Variants in CCDC13 observed in about 807,000 individuals in gnomAD.
CCDC13 encodes the protein coiled-coil domain containing 13.
A neutral mutation model predicts 87.3 loss-of-function variants in CCDC13; 70 were observed. The observed-to-expected ratio is 0.80, with a 90% CI of 0.66 to 0.98. The LOEUF (loss-of-function observed/expected upper bound fraction) is 0.98, where lower values mean the gene tolerates loss of function less well. CCDC13 is among the 50% of genes least tolerant of loss of function. The probability of loss-of-function intolerance (pLI) is 0.00; values close to 1 mark genes in which losing one functional copy is unlikely to be tolerated. For missense variants in CCDC13, 842 were observed against 892.0 expected, an observed-to-expected ratio of 0.94 and a Z score of 0.71; for synonymous variants, 317 against 360.3, an observed-to-expected ratio of 0.88 and a Z score of 1.36.
intron 13 of CCDC13, among the ~76,000 whole-genome samples, chr3:42,724,451 C>T (rs1698641404): frequency 6.6e-6 from 1 of 152,216 alleles, no homozygotes; most frequent in African/African-American, 2.4e-5. Context: ...GCTCCTCCTG[C>T]CTGGGATCTA....
At chr3:42,721,291 T>A (rs1413042193) in intron 13 of CCDC13, among the ~76,000 whole-genome samples, 3 of 152,210 alleles carry the variant, frequency 2.0e-5, no homozygotes. Flanking sequence ...TTAATCCTCT[T>A]TAGAAGGTGG....
intron 3 of CCDC13, 49 bp from the exon 4 acceptor site, chr3:42,752,766 T>C: frequency 6.2e-7 from 1 of 1,603,342 alleles, no homozygotes; most frequent in Non-Finnish European, 8.5e-7. Context: ...GGCATACACA[T>C]CAAACTCATG....
chr3:42,708,816 T>G lies in CCDC13; in HGVS notation c.*164A>C. 2 of 682,382 alleles carry G rather than the reference T, an allele frequency of 2.9e-6. No homozygotes were observed. Among genetic ancestry groups the G allele is most frequent in the Non-Finnish European group, 4.7e-6 (2 of 426,872 alleles). 42.3% of individuals were successfully genotyped at this position (682,382 alleles called of 1,614,324 possible). A position where few individuals can be genotyped will look rare whatever the true frequency, so the allele number is the denominator to read the frequency against. ...GGGCTTCTCTTCTGCCTTCCTGGCCTGAGACATTGGTTTTGGTCATCCTTA... is the reference window on the plus strand; with the variant it reads ...GGGCTTCTCTTCTGCCTTCCTGGCCGGAGACATTGGTTTTGGTCATCCTTA... On this transcript the variant is annotated 3_prime_UTR_variant, in exon 16 of 16. Transcript: ENST00000310232.
At chr3:42,742,199 C>T (rs1188532264) in intron 8 of CCDC13, among the ~76,000 whole-genome samples, 1 of 152,182 alleles carries the variant, frequency 6.6e-6, no homozygotes, top group Admixed American at 6.5e-5. Context: ...GTGATGGGCT[C>T]AAGGATGGTC....
chr3:42,767,375 C>T (rs1286351859), intron 1 of CCDC13, among the ~76,000 whole-genome samples: 1 of 152,096 alleles, frequency 6.6e-6, no homozygotes, highest in Non-Finnish European at 1.5e-5. Flanking sequence ...TGTGTAAGAT[C>T]TATATTAGGA....
At chr3:42,757,624 G>A (rs954419151) in intron 2 of CCDC13, among the ~76,000 whole-genome samples, 8 of 152,124 alleles carry the variant, frequency 5.3e-5, no homozygotes, top group Non-Finnish European at 1.5e-5. Context: ...AAGCTGAGGT[G>A]GAAGGATTGC....
chr3:42,721,267 ATTG>A (rs1455367687), intron 13 of CCDC13, among the ~76,000 whole-genome samples: 1 of 152,216 alleles, frequency 6.6e-6, no homozygotes, highest in Admixed American at 6.5e-5. Flanking sequence ...ATCATCTACA[ATTG>A]TTGTCCTGTT....
rs530344442 is a variant in CCDC13, at chr3:42,722,857, C to T, written c.1718+7610G>A. Among the ~76,000 whole-genome samples the T allele has an allele frequency of 2.5e-4, 34 of 138,390 alleles. No homozygotes were observed. The South Asian group carries it at 7.1e-3, about 29-fold the overall frequency. The allele number at this position is 138,390 out of a possible 152,430, so 90.8% of individuals were successfully genotyped here. A position where few individuals can be genotyped will look rare whatever the true frequency, so the allele number is the denominator to read the frequency against. On this transcript the variant is annotated intron_variant, in intron 13 of 15. Coordinates refer to ENST00000310232, the MANE Select transcript of CCDC13 (RefSeq NM_144719.4). ...AGTCACCCAGGCTGGAGTGCAGTGGCACTATCTCGGCTCATTGCAAGCTCC... is the reference window on the plus strand; with the variant it reads ...AGTCACCCAGGCTGGAGTGCAGTGGTACTATCTCGGCTCATTGCAAGCTCC...
chr3:42,771,643 TACTC>T (rs773190745), intron 1 of CCDC13, among the ~76,000 whole-genome samples: 5 of 152,264 alleles, frequency 3.3e-5, no homozygotes, highest in Non-Finnish European at 5.9e-5. Context: ...TGTTCCCAGT[TACTC>T]AGGAGGCTGA....
At chr3:42,732,264 C>A (rs1303961978) in intron 12 of CCDC13, among the ~76,000 whole-genome samples, 1 of 152,150 alleles carries the variant, frequency 6.6e-6, no homozygotes, top group African/African-American at 2.4e-5. Context: ...CAGAGAAGGA[C>A]CAGTTTGCCT....
chr3:42,757,210 G>T lies in CCDC13; in HGVS notation c.226C>A (p.Leu76Ile). 6.2e-7 allele frequency: 1 copy of T among 1,613,720 alleles called. No individual in the cohort carries two copies. Among genetic ancestry groups the T allele is most frequent in the Non-Finnish European group, 8.5e-7 (1 of 1,179,796 alleles). Reference sequence around the variant, plus strand: ...CGAAGGTGTTCAATCTCATCTTCAAGCACCCTACAAGGCAAAGGCAGAATT... The same window carrying T: ...CGAAGGTGTTCAATCTCATCTTCAATCACCCTACAAGGCAAAGGCAGAATT... ...NSKNSFEKRV[L>I]EDEIEHLRNE... The change falls in exon 3 of 16, where the codon CTT (leucine) becomes ATT (isoleucine). Residue 76 changes from leucine (L) to isoleucine (I), a missense_variant. Physicochemically the swap from Leu to Ile is conservative, Grantham distance 5. Transcript: ENST00000310232.
intron 14 of CCDC13, among the ~76,000 whole-genome samples, chr3:42,711,421 C>T (rs1051281348): frequency 2.4e-4 from 37 of 151,382 alleles, no homozygotes; most frequent in African/African-American, 8.5e-4. Flanking sequence ...CTCAGGCAAA[C>T]TATCAGCCTC....
intron 14 of CCDC13, among the ~76,000 whole-genome samples, chr3:42,711,249 A>AAT (rs1196487708): frequency 6.1e-5 from 9 of 146,850 alleles, no homozygotes; most frequent in Non-Finnish European, 1.2e-4. Flanking sequence ...CTGTCTCCAA[A>AAT]AAAAAAAAAA....
At chr3:42,731,448 A>G (rs1387708460) in intron 12 of CCDC13, among the ~76,000 whole-genome samples, 1 of 151,672 alleles carries the variant, frequency 6.6e-6, no homozygotes, top group East Asian at 1.9e-4. Context: ...TGACTCCTAA[A>G]TATGCTCTAA....
chr3:42,708,290 T>C lies in CCDC13; in HGVS notation c.*690A>G, dbSNP rs1173025621. ...CAGCTTCTTTCTGTGAACCTCAGTT[T>C]CTTCATCTGTCAAATAAGACAACAA... is the stretch of plus-strand genomic sequence containing the variant. On this transcript the variant is annotated 3_prime_UTR_variant, in exon 16 of 16. Transcript: ENST00000310232. 1 of 152,180 alleles carries C rather than the reference T, an allele frequency of 6.6e-6. No individual in the cohort carries two copies. Among genetic ancestry groups the C allele is most frequent in the African/African-American group, 2.4e-5 (1 of 41,420 alleles). The allele number at this position is 152,180 out of a possible 1,614,324, so 9.4% of individuals were successfully genotyped here. A position where few individuals can be genotyped will look rare whatever the true frequency, so the allele number is the denominator to read the frequency against.
At chr3:42,736,848 GA>G (rs1221245517) in intron 9 of CCDC13, among the ~76,000 whole-genome samples, 1 of 152,146 alleles carries the variant, frequency 6.6e-6, no homozygotes. Context: ...GTCCCACAGA[GA>G]AAAGTCCAAG....
intron 3 of CCDC13, among the ~76,000 whole-genome samples, chr3:42,755,059 A>G (rs536079919): frequency 6.6e-6 from 1 of 152,362 alleles, no homozygotes; most frequent in East Asian, 1.9e-4. Context: ...TATAATACAT[A>G]TAAAAACTGC....
At chr3:42,772,318 C>T (rs1006323394) in intron 1 of CCDC13, among the ~76,000 whole-genome samples, 1 of 142,546 alleles carries the variant, frequency 7.0e-6, no homozygotes, top group Non-Finnish European at 1.5e-5. Context: ...AAAGTAAAGG[C>T]TAGAGCTGCA....
intron 9 of CCDC13, 21 bp from the exon 10 acceptor site, chr3:42,735,934 G>A: frequency 1.2e-6 from 2 of 1,605,078 alleles, no homozygotes; most frequent in Non-Finnish European, 1.7e-6. Flanking sequence ...AGGCAGGAGG[G>A]CAGGTGGAGT....
Sources: allele counts gnomAD v4.1 joint callset (sites outside exome capture counted in the v4.1 genomes callset), GRCh38; gene constraint gnomAD v4.1.1; transcripts MANE v1.5; gene names NCBI Gene and HGNC (gene_info 2026-07-23, HGNC 2026-07-21).